ST3GAL6: variants seen among roughly 807,000 people sequenced by gnomAD.
ST3GAL6 encodes ST3 beta-galactoside alpha-2,3-sialyltransferase 6, also known as type 2 lactosamine alpha-2,3-sialyltransferase.
Under a neutral mutation model 40.5 loss-of-function variants are expected in ST3GAL6, and 31 were observed. The ratio of observed to expected loss-of-function variants is 0.77; its 90% CI spans 0.58 to 1.03. The LOEUF (loss-of-function observed/expected upper bound fraction) is 1.03, where lower values mean the gene tolerates loss of function less well. Among genes scored for constraint, ST3GAL6 ranks in the 50% least tolerant of loss-of-function variants. The probability of loss-of-function intolerance (pLI) is 0.00; values close to 1 mark genes in which losing one functional copy is unlikely to be tolerated. For missense variants in ST3GAL6, 357 were observed against 393.2 expected (o/e 0.91, Z 0.78); for synonymous variants, 129 against 136.9 (o/e 0.94, Z 0.40).
chr3:98,732,803 G>C (rs1935139769), intron 1 of ST3GAL6: 1 of 1,442,362 alleles, frequency 6.9e-7, no homozygotes, highest in South Asian at 1.4e-5. Flanking sequence ...TCGTGCCCGC[G>C]CCGCCCCTGG....
chr3:98,746,154 G>A (rs975535256), intron 1 of ST3GAL6, among the ~76,000 whole-genome samples: 10 of 152,074 alleles, frequency 6.6e-5, no homozygotes, highest in African/African-American at 1.4e-4. Context: ...CTGCTTGGTC[G>A]GTTTTCTCAC....
chr3:98,742,424 A>G (rs1292736467), intron 1 of ST3GAL6, among the ~76,000 whole-genome samples: 15 of 152,190 alleles, frequency 9.9e-5, no homozygotes, highest in Admixed American at 9.8e-4. Flanking sequence ...ATTAGATGTG[A>G]AAGAAACAAC....
intron 1 of ST3GAL6, among the ~76,000 whole-genome samples, chr3:98,764,585 C>T (rs186975453): frequency 1.0e-3 from 158 of 152,320 alleles, no homozygotes; most frequent in Admixed American, 1.9e-3. Flanking sequence ...CCTGTGCTCA[C>T]TTGTGAAAGC....
chr3:98,736,764 T>C (rs1169619051), intron 1 of ST3GAL6, among the ~76,000 whole-genome samples: 2 of 152,178 alleles, frequency 1.3e-5, no homozygotes, highest in Non-Finnish European at 2.9e-5. Flanking sequence ...ACAGAGCTTA[T>C]GTTTTATGGG....
intron 1 of ST3GAL6, among the ~76,000 whole-genome samples, chr3:98,746,065 AGATG>A (rs1468945657): frequency 6.6e-6 from 1 of 152,148 alleles, no homozygotes; most frequent in East Asian, 1.9e-4. Flanking sequence ...TTGGTTGGAT[AGATG>A]GATGGATGAG....
chr3:98,736,549 C>T (rs1317912753), intron 1 of ST3GAL6, among the ~76,000 whole-genome samples: 1 of 152,100 alleles, frequency 6.6e-6, no homozygotes, highest in Non-Finnish European at 1.5e-5. Context: ...GGGTCAGAGT[C>T]ACTATGCTGA....
At chr3:98,752,031 C>G (rs1313681602) in intron 1 of ST3GAL6, among the ~76,000 whole-genome samples, 1 of 152,122 alleles carries the variant, frequency 6.6e-6, no homozygotes, top group African/African-American at 2.4e-5. Flanking sequence ...TAAATATATT[C>G]TAACAGAGAC....
rs1462442117 is a variant in ST3GAL6 at position 98,772,868 on chromosome 3, T to G, written c.223T>G (p.Leu75Val). ...CAADFRKIASLYGSDKFDLPY... is the reference protein window; with the variant it reads ...CAADFRKIASVYGSDKFDLPY... ...GGCTGATTTTAGAAAGATTGCTTCC[T>G]TGTATGGTAGCGATAAGTTTGATTT... is the stretch of plus-strand genomic sequence containing the variant. The change falls in exon 4 of 10, where the codon TTG becomes GTG. Residue 75 changes from leucine to valine, a missense_variant. Coordinates refer to ENST00000483910, the MANE Select transcript of ST3GAL6 (RefSeq NM_001323368.2). 1 of 1,613,342 alleles carries G rather than the reference T, an allele frequency of 6.2e-7. No individual in the cohort carries two copies. Among genetic ancestry groups the G allele is most frequent in the Non-Finnish European group, 8.5e-7 (1 of 1,179,424 alleles).
chr3:98,767,059 C>T (rs1160792316), intron 1 of ST3GAL6, among the ~76,000 whole-genome samples: 4 of 152,180 alleles, frequency 2.6e-5, no homozygotes, highest in African/African-American at 9.7e-5. Flanking sequence ...TTGCTTTCTC[C>T]TGACATAGTT....
intron 1 of ST3GAL6, among the ~76,000 whole-genome samples, chr3:98,752,494 C>T (rs879747667): frequency 1.1e-4 from 16 of 150,944 alleles, no homozygotes; most frequent in Admixed American, 2.6e-4. Flanking sequence ...TTTTTTGAGA[C>T]GGAGTCTTGC....
At chr3:98,772,509 T>C (rs1939102939) in intron 3 of ST3GAL6, 1 of 178,416 alleles carries the variant, frequency 5.6e-6, no homozygotes, top group South Asian at 1.4e-4. Flanking sequence ...ATGGCTATTA[T>C]TTTATCACTT....
At chr3:98,785,694 CAGGAAGCTTTTTAA>C in intron 6 of ST3GAL6, among the ~76,000 whole-genome samples, 1 of 152,272 alleles carries the variant, frequency 6.6e-6, no homozygotes, top group Admixed American at 6.5e-5. Flanking sequence ...TTAAGTGCAA[CAGGAAGCTTTTTAA>C]GGGTTTTAAG....
intron 5 of ST3GAL6, among the ~76,000 whole-genome samples, chr3:98,774,862 G>A (rs1438326882): frequency 6.6e-6 from 1 of 152,208 alleles, no homozygotes; most frequent in Non-Finnish European, 1.5e-5. Flanking sequence ...TTGACGTGAA[G>A]TGTGTATTTG....
chr3:98,771,730 A>G (rs1939016865), intron 3 of ST3GAL6, among the ~76,000 whole-genome samples: 1 of 152,180 alleles, frequency 6.6e-6, no homozygotes, highest in African/African-American at 2.4e-5. Context: ...AACTGCAAAT[A>G]CATAAGACTT....
chr3:98,742,449 G>C (rs1168362227), intron 1 of ST3GAL6, among the ~76,000 whole-genome samples: 1 of 152,118 alleles, frequency 6.6e-6, no homozygotes, highest in Non-Finnish European at 1.5e-5. Flanking sequence ...TAACTTACTT[G>C]AACTTTAATT....
At chr3:98,732,700 C>A in intron 1 of ST3GAL6, 2 of 675,600 alleles carry the variant, frequency 3.0e-6, no homozygotes, top group South Asian at 2.5e-5. Context: ...AGGCGCTCGG[C>A]GCAGTCGCCC....
intron 5 of ST3GAL6, among the ~76,000 whole-genome samples, chr3:98,774,559 G>A (rs1395203248): frequency 6.6e-6 from 1 of 152,186 alleles, no homozygotes; most frequent in Non-Finnish European, 1.5e-5. Context: ...CTTCTTCACT[G>A]TTGGGCTTAT....
intron 5 of ST3GAL6, among the ~76,000 whole-genome samples, chr3:98,774,541 A>C (rs1229971063): frequency 6.6e-6 from 1 of 152,244 alleles, no homozygotes; most frequent in Admixed American, 6.5e-5. Flanking sequence ...TGAATTGCCA[A>C]AAATAGACTT....
chr3:98,782,512 C>T (rs562662954), intron 5 of ST3GAL6: 60 of 594,898 alleles, frequency 1.0e-4, no homozygotes, highest in South Asian at 5.1e-4. Flanking sequence ...CACTCTGAAC[C>T]CCAGGAGGTC....
Sources: allele counts gnomAD v4.1 joint callset (sites outside exome capture counted in the v4.1 genomes callset), GRCh38; gene constraint gnomAD v4.1.1; transcripts MANE v1.5; gene names NCBI Gene and HGNC (gene_info 2026-07-23, HGNC 2026-07-21).